The following ARHGEF4 variants were observed in gnomAD, a reference collection of about 807,000 sequenced individuals.
The protein encoded by ARHGEF4 is Rho guanine nucleotide exchange factor 4, also known as APC-stimulated guanine nucleotide exchange factor 1.
ARHGEF4 carries 119 observed loss-of-function variants against 162.0 expected under a neutral mutation model. The observed-to-expected ratio is 0.73, with a 90% confidence interval of 0.63 to 0.86. The LOEUF is 0.86. Ranked by LOEUF, ARHGEF4 falls within the 40% of genes least tolerant of loss-of-function variation. The pLI, the probability that ARHGEF4 is intolerant of heterozygous loss-of-function variation, is 0.00. For synonymous variants in ARHGEF4, 1,014 were observed against 979.9 expected, an observed-to-expected ratio of 1.03 and a Z score of -0.65; for missense variants, 2,488 against 2,456.0, an observed-to-expected ratio of 1.01 and a Z score of -0.28.
At chr2:131,022,105 G>A (rs1689168734) in intron 4 of ARHGEF4, among the ~76,000 whole-genome samples, 1 of 152,118 alleles carries the variant, frequency 6.6e-6, no homozygotes, top group South Asian at 2.1e-4. Flanking sequence ...ATATTAGTCT[G>A]TAGTCTTCTT....
intron 3 of ARHGEF4, among the ~76,000 whole-genome samples, chr2:130,941,102 T>A (rs1221271945): frequency 6.6e-6 from 1 of 152,102 alleles, no homozygotes; most frequent in African/African-American, 2.4e-5. Flanking sequence ...GTAACCCATA[T>A]GAGAAATGAC....
At chr2:130,963,784 C>T (rs1263559896) in intron 4 of ARHGEF4, 2 of 146,944 alleles carry the variant, frequency 1.4e-5, no homozygotes, top group African/African-American at 4.9e-5. Flanking sequence ...CGGGAGGGCG[C>T]CTGGCCTCGC....
chr2:130,960,005 TGATA>T (rs1337540194), intron 4 of ARHGEF4, among the ~76,000 whole-genome samples: 1 of 152,242 alleles, frequency 6.6e-6, no homozygotes, highest in Non-Finnish European at 1.5e-5. Context: ...CTGGCCTTTC[TGATA>T]AAGACACTGC....
At chr2:130,993,161 G>C (rs546569788) in intron 4 of ARHGEF4, among the ~76,000 whole-genome samples, 2 of 152,212 alleles carry the variant, frequency 1.3e-5, no homozygotes, top group South Asian at 4.2e-4. Context: ...TTTCCTCCAA[G>C]CAGTTCAAGT....
Position 131,041,940 on chromosome 2 carries a change from G to A in ARHGEF4, c.5021G>A (p.Trp1674Ter). Reference protein sequence around the residue: ...IAQWQSSIEDWEGEDLLVRSS... With the variant: ...IAQWQSSIED ...CAGTGGCAGAGCTCCATAGAGGACT[G>A]GGAGGTGAGGGCCTGGGGGCACAGA... Residue 1674 changes from tryptophan to a stop codon, truncating the protein, a stop_gained, in exon 10 of 14, where the codon TGG becomes TAG. Transcript: ENST00000409359. LOFTEE classifies it high-confidence loss of function. 5 of 1,613,046 alleles carry A rather than the reference G, an allele frequency of 3.1e-6. No individual in the cohort carries two copies. Among genetic ancestry groups the A allele is most frequent in the Non-Finnish European group, 4.2e-6 (5 of 1,179,766 alleles).
In ARHGEF4 at chr2:130,917,125, G is replaced by T; in HGVS notation, c.3179G>T (p.Arg1060Leu). The change falls in exon 2 of 14, where the codon CGG becomes CTG. Residue 1060 changes from arginine to leucine, a missense_variant. Arg to Leu is a moderately radical substitution (Grantham distance 102). Transcript: ENST00000409359. ...TGGCTGGCGTCCCCCGGCAGCCCTCGGGCCCAGCAGGCTGGAATCGCACAC... is the reference window on the plus strand; with the variant it reads ...TGGCTGGCGTCCCCCGGCAGCCCTCTGGCCCAGCAGGCTGGAATCGCACAC... Reference protein sequence around the residue: ...KSWLASPGSPRAQQAGIAHTL... With the variant: ...KSWLASPGSPLAQQAGIAHTL... 6.4e-7 allele frequency: 1 copy of T among 1,550,416 alleles called. No individual in the cohort carries two copies. The highest frequency in any genetic ancestry group is 8.7e-7 in the Non-Finnish European group (1 of 1,146,960).
chr2:130,984,161 C>G (rs926433704), intron 4 of ARHGEF4, among the ~76,000 whole-genome samples: 4 of 152,074 alleles, frequency 2.6e-5, no homozygotes, highest in African/African-American at 9.7e-5. Flanking sequence ...GGCTGTGAAC[C>G]AAAATTTTGG....
intron 1 of ARHGEF4, among the ~76,000 whole-genome samples, chr2:130,867,936 C>CTTT (rs1156618796): frequency 1.7e-5 from 2 of 119,926 alleles, no homozygotes; most frequent in African/African-American, 3.2e-5. Context: ...TTTTTTTTTT[C>CTTT]TTTTTTTTTT....
chr2:130,986,539 C>T (rs1686512258), intron 4 of ARHGEF4, among the ~76,000 whole-genome samples: 1 of 152,136 alleles, frequency 6.6e-6, no homozygotes, highest in Non-Finnish European at 1.5e-5. Context: ...GGGAAGAGGC[C>T]CTGTGCTGGC....
chr2:130,895,027 C>A lies in ARHGEF4; in HGVS notation c.40-18959C>A, dbSNP rs373939516. The stretch of plus-strand genomic sequence containing the variant: ...CACATGTTCACAATTGCATAACTAT[C>A]CCCACAATCATCAAAAGAACTTTTC... On this transcript the variant is annotated intron_variant, in intron 1 of 13. Transcript: ENST00000409359. 9.2e-5 allele frequency among the ~76,000 whole-genome samples: 14 copies of A among 152,276 alleles called. 1 individual carries two copies. The South Asian group carries it at 2.7e-3, about 29-fold the overall frequency.
intron 4 of ARHGEF4, among the ~76,000 whole-genome samples, chr2:130,987,197 G>T (rs1352517585): frequency 2.0e-5 from 3 of 152,182 alleles, no homozygotes; most frequent in African/African-American, 7.2e-5. Context: ...TGGGGAGCTG[G>T]CTCTGGAAGG....
intron 4 of ARHGEF4, among the ~76,000 whole-genome samples, chr2:131,011,467 A>G (rs918160391): frequency 7.9e-5 from 12 of 152,092 alleles, no homozygotes; most frequent in East Asian, 1.9e-4. Context: ...AGCAGAAGAG[A>G]AAAAAAATGC....
chr2:131,035,033 A>C, intron 5 of ARHGEF4: 1 of 989,608 alleles, frequency 1.0e-6, no homozygotes, highest in Non-Finnish European at 1.2e-6. Context: ...GCTGCGGGCC[A>C]CCGGCTCGGC....
chr2:130,997,863 A>G (rs10190807), intron 4 of ARHGEF4, among the ~76,000 whole-genome samples: 11 of 151,530 alleles, frequency 7.3e-5, no homozygotes, highest in African/African-American at 2.2e-4. Flanking sequence ...TACTGCCCCC[A>G]CTTAATGCAG....
Position 131,044,416 on chromosome 2 carries a change from T to G in ARHGEF4, c.5275T>G (p.Phe1759Val). ...RDLHVSIKNA[F>V]RLHRGATGDS... is the part of the protein sequence containing the mutation. ...CCTCCATGTGAGCATCAAGAACGCC[T>G]TCCGGCTGCACCGTGGCGCCACAGG... is the stretch of plus-strand genomic sequence containing the variant. Residue 1759 changes from phenylalanine (F) to valine (V), a missense_variant, in exon 12 of 14, where the codon TTC (phenylalanine) becomes GTC (valine). By Grantham distance (50) the Phe-to-Val change is conservative. This residue lies in a region of ARHGEF4 where 415 missense variants were observed against 512.4 expected (regional missense o/e 0.81). Coordinates refer to ENST00000409359, the MANE Select transcript of ARHGEF4 (RefSeq NM_001367493.1). 1 of 1,574,094 alleles carries G rather than the reference T, an allele frequency of 6.4e-7. No homozygotes were observed. Among genetic ancestry groups the G allele is most frequent in the Non-Finnish European group, 8.6e-7 (1 of 1,159,694 alleles).
chr2:130,988,872 GTATATATATATATA>G lies in ARHGEF4; in HGVS notation c.3986-39056_3986-39043del, dbSNP rs58656982. On this transcript the variant is annotated intron_variant, in intron 4 of 13. Coordinates refer to ENST00000409359, the MANE Select transcript of ARHGEF4 (RefSeq NM_001367493.1). Reference sequence around the variant, plus strand: ...TTTGTGTGTGTGTGTGTGTGTGTGTGTATATATATATATATATATATATATATATAGAGAGAGAG... The same window carrying G: ...TTTGTGTGTGTGTGTGTGTGTGTGTGTATATATATATATATAGAGAGAGAG... 8.6e-4 allele frequency among the ~76,000 whole-genome samples: 93 copies of G among 108,508 alleles called. 1 individual carries two copies. The highest frequency in any genetic ancestry group is 2.7e-3 in the African/African-American group (75 of 27,274). 71.2% of individuals were successfully genotyped at this position (108,508 alleles called of 152,430 possible). A position where few individuals can be genotyped will look rare whatever the true frequency, so the allele number is the denominator to read the frequency against.
At position 130,928,672 on chromosome 2, in the gene ARHGEF4, T is replaced by C. The variant is rs148960761; in HGVS notation, c.3553-2280T>C. 6.0e-3 allele frequency among the ~76,000 whole-genome samples: 913 copies of C among 152,350 alleles called. 13 individuals are homozygous for C. Among genetic ancestry groups the C allele is most frequent in the African/African-American group, 0.02 (850 of 41,576 alleles). On this transcript the variant is annotated intron_variant, in intron 2 of 13. Transcript: ENST00000409359. ...ATCTGCATTTCTTTAGATAGCTTCC[T>C]GTGCTCTGCAGCACCATCTACCCCT...
chr2:130,906,561 C>T (rs1680821532), intron 1 of ARHGEF4, among the ~76,000 whole-genome samples: 1 of 152,168 alleles, frequency 6.6e-6, no homozygotes, highest in Admixed American at 6.5e-5. Flanking sequence ...TGGTAAGAAA[C>T]CTGGTTCTCA....
chr2:130,917,601 C>A, intron 2 of ARHGEF4, 103 bp downstream of exon 2: 1 of 1,428,508 alleles, frequency 7.0e-7, no homozygotes, highest in Non-Finnish European at 9.2e-7. Context: ...ATAGGAAGGC[C>A]AGGCCAAAAT....
Sources: gnomAD v4.1 joint callset for allele counts (sites outside exome capture counted in the v4.1 genomes callset) on GRCh38, gnomAD v4.1.1 for gene constraint, gnomAD v4.1.1 regional missense constraint, MANE v1.5 for transcripts, NCBI Gene and HGNC (gene_info 2026-07-23, HGNC 2026-07-21) for gene names.